Variants in USH2A observed in about 807,000 individuals in gnomAD.
USH2A encodes Usher syndrome 2A (autosomal recessive, mild).
Under a neutral mutation model 538.9 loss-of-function variants are expected in USH2A, and 443 were observed. The observed-to-expected ratio is 0.82, with a 90% CI of 0.76 to 0.89. The LOEUF (loss-of-function observed/expected upper bound fraction) is 0.89, where lower values mean the gene tolerates loss of function less well. Ranked by LOEUF, USH2A falls within the 40% of genes least tolerant of loss-of-function variation. The pLI, the probability that USH2A is intolerant of heterozygous loss-of-function variation, is 0.00. For missense variants in USH2A, 6,633 were observed against 6,324.8 expected (o/e 1.05, Z -1.65); for synonymous variants, 2,413 against 2,273.5 (o/e 1.06, Z -1.75).
intron 21 of USH2A, among the ~76,000 whole-genome samples, chr1:216,107,582 ATTG>A (rs1401005261): frequency 3.3e-5 from 5 of 150,180 alleles, no homozygotes; most frequent in Non-Finnish European, 5.9e-5. Flanking sequence ...ATTCTTTTTG[ATTG>A]TTGTGTTATG....
rs539759234 is a variant in USH2A, at chr1:216,083,468, A to G, written c.5286T>C (p.Pro1762=). 3.1e-6 allele frequency: 5 copies of G among 1,611,658 alleles called. No homozygotes were observed. The South Asian group carries it at 5.5e-5, about 18-fold the overall frequency. ...TTAATTCACATACAGCAAGAAAATC[A>G]GGTCCATCTTTGTTATAAACGAAAA... The part of the protein sequence containing the change: ...LLLFVYNKDG[P]DFLAMELKSG... The change falls in exon 26 of 72, where the codon CCT becomes CCC. Residue 1762 remains proline (P), a synonymous_variant. Transcript: ENST00000307340.
chr1:216,304,931 C>T (rs115822354), intron 9 of USH2A, among the ~76,000 whole-genome samples: 5,943 of 151,548 alleles, frequency 0.039, 178 homozygotes, highest in Middle Eastern at 0.11. Context: ...TGTTTTGTGG[C>T]CTATCACATG....
intron 4 of USH2A, among the ~76,000 whole-genome samples, chr1:216,338,426 T>G (rs1303082540): frequency 6.6e-6 from 1 of 151,458 alleles, no homozygotes; most frequent in Non-Finnish European, 1.5e-5. Context: ...AAGTTAAAAT[T>G]AAATCTCTAC....
chr1:215,749,578 T>C (rs957607221), intron 58 of USH2A, among the ~76,000 whole-genome samples: 4 of 152,136 alleles, frequency 2.6e-5, no homozygotes, highest in African/African-American at 9.6e-5. Context: ...CTGCAATGAG[T>C]CTGAAATGAC....
At chr1:216,058,199 T>C (rs2031049509) in intron 30 of USH2A, among the ~76,000 whole-genome samples, 1 of 126,254 alleles carries the variant, frequency 7.9e-6, no homozygotes, top group South Asian at 2.2e-4. Context: ...ATCCCGCCTC[T>C]GCATTGACTT....
chr1:216,154,596 A>G (rs2033901759), intron 21 of USH2A, among the ~76,000 whole-genome samples: 1 of 152,196 alleles, frequency 6.6e-6, no homozygotes, highest in Admixed American at 6.5e-5. Context: ...ATGTTTTGAC[A>G]GATGTACACA....
chr1:216,401,509 T>C (rs754938906), intron 3 of USH2A, among the ~76,000 whole-genome samples: 2 of 152,098 alleles, frequency 1.3e-5, no homozygotes, highest in Non-Finnish European at 2.9e-5. Context: ...TATTAGAATA[T>C]AAACTTAATT....
intron 31 of USH2A, among the ~76,000 whole-genome samples, chr1:216,047,528 T>TA (rs1234198319): frequency 6.6e-6 from 1 of 151,396 alleles, no homozygotes; most frequent in African/African-American, 2.5e-5. Flanking sequence ...TTGGTTTAGG[T>TA]AAAAAATACA....
At chr1:215,705,398 T>C (rs958137119) in intron 61 of USH2A, among the ~76,000 whole-genome samples, 2 of 152,252 alleles carry the variant, frequency 1.3e-5, no homozygotes, top group African/African-American at 4.8e-5. Flanking sequence ...AATGTGTGTG[T>C]CGTACCAACG....
chr1:215,718,493 GTCTT>G (rs2102704581), intron 61 of USH2A, among the ~76,000 whole-genome samples: 1 of 152,246 alleles, frequency 6.6e-6, no homozygotes, highest in East Asian at 1.9e-4. Context: ...AATGTTAATG[GTCTT>G]TCAACTTCAA....
At chr1:216,297,096 C>T (rs1043403095) in intron 9 of USH2A, among the ~76,000 whole-genome samples, 2 of 152,004 alleles carry the variant, frequency 1.3e-5, no homozygotes, top group Non-Finnish European at 2.9e-5. Context: ...TATCTCACAT[C>T]TAACTTCTGT....
chr1:215,735,100 A>G (rs937549334), intron 60 of USH2A, among the ~76,000 whole-genome samples: 2 of 152,146 alleles, frequency 1.3e-5, no homozygotes, highest in Admixed American at 6.5e-5. Context: ...GCAGCATGCA[A>G]TTTTTCCGAC....
intron 46 of USH2A, among the ~76,000 whole-genome samples, chr1:215,842,370 T>C (rs919619851): frequency 6.6e-6 from 1 of 152,164 alleles, no homozygotes; most frequent in Admixed American, 6.5e-5. Context: ...GGAATGTAAA[T>C]TAGTTCAACC....
rs1011892508 is a variant in USH2A, at chr1:215,804,465, T to G, written c.9740-5340A>C. Among the ~76,000 whole-genome samples, 85 of 151,508 alleles carry G rather than the reference T, an allele frequency of 5.6e-4. 4 individuals are homozygous for G. The highest frequency in any genetic ancestry group is 2.6e-4 in the Non-Finnish European group (18 of 67,970). On this transcript the variant is annotated intron_variant, in intron 49 of 71. Coordinates refer to ENST00000307340, the MANE Select transcript of USH2A (RefSeq NM_206933.4). ...AAAAACAAACAACCCCATCAAAAAG[T>G]GGGTGAAGGATATGAACAGACACTT...
intron 3 of USH2A, among the ~76,000 whole-genome samples, chr1:216,381,213 G>A (rs1239007970): frequency 2.0e-5 from 3 of 152,036 alleles, no homozygotes; most frequent in Non-Finnish European, 4.4e-5. Flanking sequence ...AGAAGCAACT[G>A]AATAAGGCAA....
chr1:216,223,784 T>C (rs1044208299), intron 14 of USH2A, among the ~76,000 whole-genome samples: 1 of 152,170 alleles, frequency 6.6e-6, no homozygotes, highest in Admixed American at 6.5e-5. Flanking sequence ...AGGAAATCAG[T>C]TGACAAGGAA....
intron 16 of USH2A, among the ~76,000 whole-genome samples, chr1:216,200,714 C>G (rs2034968191): frequency 6.6e-6 from 1 of 152,136 alleles, no homozygotes; most frequent in Admixed American, 6.5e-5. Flanking sequence ...CAAAGAGAAG[C>G]AGCTACAAAG....
In USH2A at chr1:215,786,655, C is replaced by T. The variant is rs190043418; in HGVS notation, c.10387+15G>A. On this transcript the variant is annotated intron_variant, in intron 52 of 71. Coordinates refer to ENST00000307340, the MANE Select transcript of USH2A (RefSeq NM_206933.4). Reference sequence around the variant, plus strand: ...ACCCCATTAAGCCATGGGCAGACAGCTTGCTTTCTGTTACCTGTGTAAGAG... The same window carrying T: ...ACCCCATTAAGCCATGGGCAGACAGTTTGCTTTCTGTTACCTGTGTAAGAG... The T allele has an allele frequency of 3.2e-4, 518 of 1,613,780 alleles. No homozygotes were observed. The highest frequency in any genetic ancestry group is 4.2e-4 in the Non-Finnish European group (496 of 1,179,748).
At chr1:216,114,911 T>C (rs1461028533) in intron 21 of USH2A, among the ~76,000 whole-genome samples, 1 of 152,164 alleles carries the variant, frequency 6.6e-6, no homozygotes, top group Non-Finnish European at 1.5e-5. Flanking sequence ...TACAGATACA[T>C]AGATATTAAT....
Sources: allele counts gnomAD v4.1 joint callset (sites outside exome capture counted in the v4.1 genomes callset), GRCh38; gene constraint gnomAD v4.1.1; transcripts MANE v1.5; gene names NCBI Gene and HGNC (gene_info 2026-07-23, HGNC 2026-07-21).